Variants in CCDC91 observed in about 807,000 individuals in gnomAD.
CCDC91 encodes the protein coiled-coil domain-containing protein 91.
A neutral mutation model predicts 63.2 loss-of-function variants in CCDC91; 48 were observed. The observed-to-expected ratio is 0.76, with a 90% CI of 0.60 to 0.97. The LOEUF (loss-of-function observed/expected upper bound fraction) is 0.97. Among genes scored for constraint, CCDC91 ranks in the 50% least tolerant of loss-of-function variants. The pLI is 0.00. For missense variants in CCDC91, 500 were observed against 494.6 expected (o/e 1.01, Z -0.10); for synonymous variants, 167 against 165.8 (o/e 1.01, Z -0.06).
intron 12 of CCDC91, among the ~76,000 whole-genome samples, chr12:28,536,582 G>C (rs181336916): frequency 2.0e-5 from 3 of 152,026 alleles, no homozygotes; most frequent in Non-Finnish European, 4.4e-5. Context: ...TAACCTTTCT[G>C]GGCCAGTTTG....
intron 8 of CCDC91, among the ~76,000 whole-genome samples, chr12:28,444,093 T>C (rs935025737): frequency 4.6e-5 from 7 of 152,202 alleles, no homozygotes; most frequent in Non-Finnish European, 8.8e-5. Context: ...AACTGAATGA[T>C]AGCACAGTAA....
chr12:28,234,756 A>C (rs974969200), intron 1 of CCDC91, among the ~76,000 whole-genome samples: 6 of 151,914 alleles, frequency 3.9e-5, no homozygotes, highest in Non-Finnish European at 8.8e-5. Context: ...GATAATTTGA[A>C]AGTTTTTTTT....
At chr12:28,460,734 A>G (rs907694997) in intron 11 of CCDC91, among the ~76,000 whole-genome samples, 14 of 152,082 alleles carry the variant, frequency 9.2e-5, no homozygotes, top group African/African-American at 3.4e-4. Flanking sequence ...ATATTTGCAT[A>G]CTATATATAC....
chr12:28,193,825 C>T (rs1211850448), intron 1 of CCDC91, among the ~76,000 whole-genome samples: 3 of 151,860 alleles, frequency 2.0e-5, no homozygotes, highest in African/African-American at 7.3e-5. Context: ...TTTTCCTGTG[C>T]TATTATTTGC....
chr12:28,249,255 T>A (rs1662006792), intron 1 of CCDC91, among the ~76,000 whole-genome samples: 1 of 152,108 alleles, frequency 6.6e-6, no homozygotes, highest in Non-Finnish European at 1.5e-5. Flanking sequence ...TTTATGTGAT[T>A]TTGTTCTGAT....
intron 12 of CCDC91, among the ~76,000 whole-genome samples, chr12:28,511,566 A>G (rs1939380671): frequency 2.0e-5 from 3 of 152,016 alleles, no homozygotes; most frequent in South Asian, 4.1e-4. Flanking sequence ...TGGTTCCAGT[A>G]TAAGCAAAGG....
chr12:28,238,518 A>G (rs1292747017), intron 1 of CCDC91, among the ~76,000 whole-genome samples: 1 of 152,190 alleles, frequency 6.6e-6, no homozygotes, highest in Non-Finnish European at 1.5e-5. Context: ...GATAATATCT[A>G]TTAAAATTAA....
At chr12:28,472,423 T>A (rs780177841) in intron 11 of CCDC91, among the ~76,000 whole-genome samples, 1 of 152,164 alleles carries the variant, frequency 6.6e-6, no homozygotes, top group African/African-American at 2.4e-5. Flanking sequence ...TATAGGTGCT[T>A]ATATAATGAG....
intron 1 of CCDC91, among the ~76,000 whole-genome samples, chr12:28,204,855 T>G (rs895140249): frequency 6.6e-6 from 1 of 152,190 alleles, no homozygotes; most frequent in Non-Finnish European, 1.5e-5. Context: ...CCAAATACAT[T>G]TATACACAAT....
At chr12:28,409,653 T>A (rs1947193735) in intron 8 of CCDC91, among the ~76,000 whole-genome samples, 1 of 152,132 alleles carries the variant, frequency 6.6e-6, no homozygotes, top group Non-Finnish European at 1.5e-5. Context: ...GCATTGAGGC[T>A]TTTCTTCTAA....
chr12:28,204,382 C>A (rs1225598114), intron 1 of CCDC91, among the ~76,000 whole-genome samples: 5 of 151,900 alleles, frequency 3.3e-5, no homozygotes, highest in Non-Finnish European at 1.5e-5. Context: ...TTAGCCAGTC[C>A]CTGATATGCA....
intron 12 of CCDC91, among the ~76,000 whole-genome samples, chr12:28,519,857 A>C (rs560029282): frequency 6.6e-6 from 1 of 151,788 alleles, no homozygotes; most frequent in Non-Finnish European, 1.5e-5. Flanking sequence ...GCTGAGAATG[A>C]TGGATACCAG....
intron 6 of CCDC91, among the ~76,000 whole-genome samples, chr12:28,354,976 T>G (rs746153805): frequency 8.5e-5 from 13 of 152,094 alleles, no homozygotes; most frequent in Non-Finnish European, 1.5e-5. Context: ...ATTGCAAACT[T>G]TGCTCTTCCC....
intron 12 of CCDC91, among the ~76,000 whole-genome samples, chr12:28,524,703 A>G (rs1941098381): frequency 2.0e-5 from 3 of 152,190 alleles, no homozygotes; most frequent in African/African-American, 7.2e-5. Flanking sequence ...TGTCTGGTAT[A>G]AAGCTGTTGT....
rs926347452 is a variant in CCDC91 at position 28,431,264 on chromosome 12, C to A, written c.763-18897C>A. On this transcript the variant is annotated intron_variant, in intron 8 of 12. Coordinates refer to ENST00000536442, the MANE Select transcript of CCDC91 (RefSeq NM_018318.5). Reference sequence around the variant, plus strand: ...CTATTAATCAAGCCTGTTAAATTCACATTTTGTTAACATACTGATTTTCCA... The same window carrying A: ...CTATTAATCAAGCCTGTTAAATTCAAATTTTGTTAACATACTGATTTTCCA... Among the ~76,000 whole-genome samples the A allele has an allele frequency of 4.7e-4, 71 of 152,188 alleles. 1 individual carries two copies. The highest frequency in any genetic ancestry group is 1.7e-3 in the African/African-American group (70 of 41,556).
chr12:28,403,710 A>T (rs1946769088), intron 8 of CCDC91, among the ~76,000 whole-genome samples: 1 of 152,172 alleles, frequency 6.6e-6, no homozygotes, highest in African/African-American at 2.4e-5. Context: ...TATTTAATAG[A>T]TATAGGCCTA....
At chr12:28,310,518 T>C (rs1235793788) in intron 6 of CCDC91, among the ~76,000 whole-genome samples, 1 of 152,032 alleles carries the variant, frequency 6.6e-6, no homozygotes, top group Admixed American at 6.6e-5. Context: ...ACCTATAGGC[T>C]TCTCTCTCCT....
At chr12:28,389,442 C>T (rs1945803194) in intron 7 of CCDC91, among the ~76,000 whole-genome samples, 1 of 152,022 alleles carries the variant, frequency 6.6e-6, no homozygotes, top group Non-Finnish European at 1.5e-5. Context: ...TTTATGCTCC[C>T]TTATCACATC....
chr12:28,453,126 A>T (rs1949895441), intron 11 of CCDC91, among the ~76,000 whole-genome samples: 1 of 151,936 alleles, frequency 6.6e-6, no homozygotes, highest in African/African-American at 2.4e-5. Context: ...AACCTCACAA[A>T]TATTCCCTAT....
Sources: gnomAD v4.1 joint callset for allele counts (sites outside exome capture counted in the v4.1 genomes callset) on GRCh38, gnomAD v4.1.1 for gene constraint, MANE v1.5 for transcripts, NCBI Gene and HGNC (gene_info 2026-07-23, HGNC 2026-07-21) for gene names.